Variants in OR52E4 observed in about 807,000 individuals in gnomAD.
The protein encoded by OR52E4 is olfactory receptor 52E4.
For missense variants in OR52E4, 444 were observed against 383.8 expected (o/e 1.16, Z -1.31); for synonymous variants, 169 against 137.4 (o/e 1.23, Z -1.61).
In OR52E4 at chr11:5,884,850, G is replaced by C; in HGVS notation, c.558G>C (p.Leu186=). 6.2e-7 allele frequency: 1 copy of C among 1,613,388 alleles called. No individual in the cohort carries two copies. ...ACACATACTGTGAGCACAGGGGTCT[G>C]GCCGGGTTGGCCTGTGCACCCATTA... is the stretch of plus-strand genomic sequence containing the variant. The part of the protein sequence containing the change: ...VPHTYCEHRG[L]AGLACAPIKI... Residue 186 remains leucine (L), a synonymous_variant, in exon 2 of 2, where the codon CTG becomes CTC. Transcript: ENST00000641726.
chr11:5,885,089 G>A lies in OR52E4; in HGVS notation c.797G>A (p.Gly266Asp). ...TTTTCTTTTATGACACATCGTTTTG[G>A]CCAAAACATTCCCCACTATATCCAT... ...AFFSFMTHRF[G>D]QNIPHYIHIL... Residue 266 changes from glycine to aspartate, a missense_variant, in exon 2 of 2, where the codon GGC becomes GAC. Transcript: ENST00000641726. 1 of 1,613,264 alleles carries A rather than the reference G, an allele frequency of 6.2e-7. No homozygotes were observed. The highest frequency in any genetic ancestry group is 8.5e-7 in the Non-Finnish European group (1 of 1,179,656).
Position 5,885,419 on chromosome 11 carries a change from C to CA in OR52E4, c.*190dup. On this transcript the variant is annotated 3_prime_UTR_variant, in exon 2 of 2. Coordinates refer to ENST00000641726, the MANE Select transcript of OR52E4 (RefSeq NM_001005165.2). Reference sequence around the variant, plus strand: ...GCTGCCTGTTTCCCCTACTTCTCTCCAAGTACCTGGACAAAGGTTAGAGAT... The same window carrying CA: ...GCTGCCTGTTTCCCCTACTTCTCTCCAAAGTACCTGGACAAAGGTTAGAGAT... The CA allele has an allele frequency of 1.9e-6, 1 of 532,996 alleles. No individual in the cohort carries two copies. Among genetic ancestry groups the CA allele is most frequent in the Non-Finnish European group, 3.3e-6 (1 of 304,308 alleles). The allele number at this position is 532,996 out of a possible 1,614,324, so 33.0% of individuals were successfully genotyped here. A position where few individuals can be genotyped will look rare whatever the true frequency, so the allele number is the denominator to read the frequency against.
Position 5,884,301 on chromosome 11 carries a change from T to C in OR52E4, c.9T>C (p.Ser3=). MP[S]INDTHFYPPF... ...TGACACTTGCTGGGAGAATGCCTTC[T>C]ATCAATGACACCCACTTCTATCCCC... Residue 3 remains serine, a synonymous_variant, in exon 2 of 2, where the codon TCT becomes TCC. Transcript: ENST00000641726. 6.2e-7 allele frequency: 1 copy of C among 1,605,880 alleles called. No individual in the cohort carries two copies. Among genetic ancestry groups the C allele is most frequent in the South Asian group, 1.1e-5 (1 of 89,720 alleles).
At position 5,885,028 on chromosome 11, in the gene OR52E4, G is replaced by A. The variant is rs762871349; in HGVS notation, c.736G>A (p.Val246Ile). The A allele has an allele frequency of 7.4e-6, 12 of 1,613,358 alleles. 1 individual carries two copies. The South Asian group carries it at 1.3e-4, about 18-fold the overall frequency. ...GGCCTTCAATACCTGTGGTTCTCATGTCTGTGTTATGCTGTGCTTTTACAC... is the reference window on the plus strand; with the variant it reads ...GGCCTTCAATACCTGTGGTTCTCATATCTGTGTTATGCTGTGCTTTTACAC... Reference protein sequence around the residue: ...LKAFNTCGSHVCVMLCFYTPA... With the variant: ...LKAFNTCGSHICVMLCFYTPA... The change falls in exon 2 of 2, where the codon GTC becomes ATC. Residue 246 changes from valine to isoleucine, a missense_variant. By Grantham distance (29) the Val-to-Ile change is conservative. Coordinates refer to ENST00000641726, the MANE Select transcript of OR52E4 (RefSeq NM_001005165.2).
chr11:5,881,845 G>A (rs913467457), intron 1 of OR52E4, among the ~76,000 whole-genome samples: 4 of 152,016 alleles, frequency 2.6e-5, no homozygotes, highest in Admixed American at 2.0e-4. Context: ...GATCTATCTG[G>A]TTAAAGAATC....
intron 1 of OR52E4, among the ~76,000 whole-genome samples, chr11:5,882,392 C>T (rs952775676): frequency 1.3e-5 from 2 of 152,006 alleles, no homozygotes; most frequent in African/African-American, 4.8e-5. Context: ...ACACATCATC[C>T]TAGCTATTTC....
At position 5,886,929 on chromosome 11, in the gene OR52E4, T is replaced by C. The variant is rs946022382; in HGVS notation, c.*1698T>C. On this transcript the variant is annotated 3_prime_UTR_variant, in exon 2 of 2. Transcript: ENST00000641726. Reference sequence around the variant, plus strand: ...AGCACAATTCCTGAATTCTATAGTATTTTGTAGATTTTCTTTAGGTCTGTA... The same window carrying C: ...AGCACAATTCCTGAATTCTATAGTACTTTGTAGATTTTCTTTAGGTCTGTA... 2 of 152,108 alleles carry C rather than the reference T, an allele frequency of 1.3e-5. No homozygotes were observed. Among genetic ancestry groups the C allele is most frequent in the Non-Finnish European group, 2.9e-5 (2 of 68,022 alleles). The allele number at this position is 152,108 out of a possible 1,614,324, so 9.4% of individuals were successfully genotyped here. A position where few individuals can be genotyped will look rare whatever the true frequency, so the allele number is the denominator to read the frequency against.
At chr11:5,882,287 C>A (rs1261455370) in intron 1 of OR52E4, among the ~76,000 whole-genome samples, 1 of 152,016 alleles carries the variant, frequency 6.6e-6, no homozygotes, top group Non-Finnish European at 1.5e-5. Context: ...TCCTCTTTGC[C>A]ATCTCCCTGG....
chr11:5,882,380 C>T (rs909318461), intron 1 of OR52E4, among the ~76,000 whole-genome samples: 1 of 152,046 alleles, frequency 6.6e-6, no homozygotes, highest in Admixed American at 6.6e-5. Flanking sequence ...GTAAATCTCA[C>T]AACACATCAT....
intron 1 of OR52E4, among the ~76,000 whole-genome samples, chr11:5,881,706 T>C (rs913100906): frequency 4.6e-5 from 7 of 152,056 alleles, no homozygotes; most frequent in African/African-American, 1.7e-4. Flanking sequence ...ATTAATAAAA[T>C]AAGTAAGTAT....
In OR52E4 at chr11:5,885,140, T is replaced by C. The variant is rs1847023656; in HGVS notation, c.848T>C (p.Val283Ala). Residue 283 changes from valine to alanine, a missense_variant, in exon 2 of 2, where the codon GTT (valine) becomes GCT (alanine). Coordinates refer to ENST00000641726, the MANE Select transcript of OR52E4 (RefSeq NM_001005165.2). The stretch of plus-strand genomic sequence containing the variant: ...ATTCTTTTGGCTAACCTGTATGTGG[T>C]TGTCCCACCTGCCCTTAACCCTGTC... ...IHILLANLYV[V>A]VPPALNPVIY... 3.7e-6 allele frequency: 6 copies of C among 1,613,490 alleles called. No homozygotes were observed. Among genetic ancestry groups the C allele is most frequent in the Non-Finnish European group, 5.1e-6 (6 of 1,179,672 alleles).
In OR52E4 at chr11:5,884,232, G is replaced by A; in HGVS notation, c.-61G>A. 1 of 1,191,710 alleles carries A rather than the reference G, an allele frequency of 8.4e-7. No homozygotes were observed. Among genetic ancestry groups the A allele is most frequent in the Non-Finnish European group, 1.2e-6 (1 of 823,370 alleles). The allele number at this position is 1,191,710 out of a possible 1,614,324, so 73.8% of individuals were successfully genotyped here. On this transcript the variant is annotated 5_prime_UTR_variant, in exon 2 of 2. Transcript: ENST00000641726. ...CTGTTTCTTCAGGAACTTGACAAGA[G>A]AGGACCTTAAAGAAAGTGAGATCCT...
intron 1 of OR52E4, among the ~76,000 whole-genome samples, chr11:5,883,400 G>T (rs529753529): frequency 6.6e-6 from 1 of 151,878 alleles, no homozygotes; most frequent in African/African-American, 2.4e-5. Context: ...AGATCCTTAC[G>T]TTTATATTAT....
intron 1 of OR52E4, among the ~76,000 whole-genome samples, chr11:5,881,185 T>C (rs1394088922): frequency 6.6e-6 from 1 of 152,190 alleles, no homozygotes; most frequent in Non-Finnish European, 1.5e-5. Flanking sequence ...ATTTGGTCTG[T>C]AAAGTTTTAT....
At position 5,885,019 on chromosome 11, in the gene OR52E4, G is replaced by A. The variant is rs367744281; in HGVS notation, c.727G>A (p.Gly243Ser). The change falls in exon 2 of 2, where the codon GGT (glycine) becomes AGT (serine). Residue 243 changes from glycine (G) to serine (S), a missense_variant. Physicochemically the swap from Gly to Ser is moderately conservative, Grantham distance 56. Coordinates refer to ENST00000641726, the MANE Select transcript of OR52E4 (RefSeq NM_001005165.2). ...DVRLKAFNTC[G>S]SHVCVMLCFY... ...CCGACTAAAGGCCTTCAATACCTGT[G>A]GTTCTCATGTCTGTGTTATGCTGTG... 44 of 1,613,146 alleles carry A rather than the reference G, an allele frequency of 2.7e-5. No homozygotes were observed. The highest frequency in any genetic ancestry group is 1.7e-4 in the Admixed American group (10 of 59,842).
At chr11:5,883,882 G>C (rs1197158212) in intron 1 of OR52E4, among the ~76,000 whole-genome samples, 1 of 151,966 alleles carries the variant, frequency 6.6e-6, no homozygotes, top group African/African-American at 2.4e-5. Flanking sequence ...AAGGTACTTA[G>C]AAAACCCCAG....
rs1846951190 is a variant in OR52E4, at chr11:5,880,660, G to C, written c.-129G>C. On this transcript the variant is annotated 5_prime_UTR_variant, in exon 1 of 2. Coordinates refer to ENST00000641726, the MANE Select transcript of OR52E4 (RefSeq NM_001005165.2). ...CCTAATCACGGTCTTTAAGAACCTG[G>C]ACTCATGCTCCAATTCTGCTCCAAG... 1 of 152,178 alleles carries C rather than the reference G, an allele frequency of 6.6e-6. No homozygotes were observed. Among genetic ancestry groups the C allele is most frequent in the Non-Finnish European group, 1.5e-5 (1 of 68,086 alleles). 9.4% of individuals were successfully genotyped at this position (152,178 alleles called of 1,614,324 possible).
rs758430893 is a variant in OR52E4 at position 5,884,886 on chromosome 11, A to C, written c.594A>C (p.Ile198=). 1 of 1,613,074 alleles carries C rather than the reference A, an allele frequency of 6.2e-7. No individual in the cohort carries two copies. The highest frequency in any genetic ancestry group is 2.2e-5 in the East Asian group (1 of 44,828). ...CCTGTGCACCCATTAAGATCAACAT[A>C]ATCTATGGGCTCATGGTGATTTCTT... The part of the protein sequence containing the change: ...GLACAPIKIN[I]IYGLMVISYI... Residue 198 remains isoleucine, a synonymous_variant, in exon 2 of 2, where the codon ATA becomes ATC. Transcript: ENST00000641726.
chr11:5,881,328 G>T (rs568171321), intron 1 of OR52E4, among the ~76,000 whole-genome samples: 1 of 151,976 alleles, frequency 6.6e-6, no homozygotes, highest in African/African-American at 2.4e-5. Context: ...TAGATCAGCC[G>T]GACTGAACCG....
Sources: gnomAD v4.1 joint callset for allele counts (sites outside exome capture counted in the v4.1 genomes callset) on GRCh38, gnomAD v4.1.1 for gene constraint, MANE v1.5 for transcripts, NCBI Gene and HGNC (gene_info 2026-07-23, HGNC 2026-07-21) for gene names.